The following USP33 variants were observed in gnomAD, a reference collection of about 807,000 sequenced individuals.
USP33 encodes the protein ubiquitin specific peptidase 33.
Under a neutral mutation model 124.2 loss-of-function variants are expected in USP33, and 46 were observed. The ratio of observed to expected loss-of-function variants is 0.37; its 90% confidence interval spans 0.29 to 0.47. USP33 has a LOEUF of 0.47. Ranked by LOEUF, USP33 falls within the 20% of genes least tolerant of loss-of-function variation. USP33 has a pLI of 0.99. For missense variants in USP33, 851 were observed against 1,070.6 expected (o/e 0.79, Z 2.86); for synonymous variants, 350 against 352.3 (o/e 0.99, Z 0.07).
chr1:77,749,722 CT>C (rs1432413221), intron 1 of USP33, among the ~76,000 whole-genome samples: 9 of 152,040 alleles, frequency 5.9e-5, no homozygotes, highest in African/African-American at 2.2e-4. Flanking sequence ...GTACTGAGCG[CT>C]TTGTTTACTG....
intron 1 of USP33, among the ~76,000 whole-genome samples, chr1:77,752,843 C>A (rs1450973290): frequency 6.6e-6 from 1 of 150,562 alleles, no homozygotes; most frequent in East Asian, 2.0e-4. Flanking sequence ...TTTGCGAGGC[C>A]GAGGCCGGTG....
At chr1:77,733,348 G>A (rs919808725) in intron 7 of USP33, among the ~76,000 whole-genome samples, 5 of 151,086 alleles carry the variant, frequency 3.3e-5, no homozygotes, top group Admixed American at 6.6e-5. Context: ...AGCCAAAATC[G>A]TGCCACTGCA....
intron 21 of USP33, among the ~76,000 whole-genome samples, chr1:77,701,961 C>T (rs551734695): frequency 6.6e-6 from 1 of 151,632 alleles, no homozygotes; most frequent in South Asian, 2.1e-4. Context: ...AGCCACCACA[C>T]TCGGCCTACA....
chr1:77,709,847 T>G (rs1675038490), intron 21 of USP33, among the ~76,000 whole-genome samples: 1 of 148,780 alleles, frequency 6.7e-6, no homozygotes, highest in Admixed American at 6.7e-5. Context: ...TCAGTGAGAG[T>G]TAAGAAATAT....
intron 1 of USP33, among the ~76,000 whole-genome samples, chr1:77,748,298 T>G (rs1248049206): frequency 6.6e-6 from 1 of 152,194 alleles, no homozygotes; most frequent in Non-Finnish European, 1.5e-5. Flanking sequence ...CAAGTCCCCA[T>G]CAAGTTTCTA....
chr1:77,720,714 G>C (rs1676474274), intron 15 of USP33: 1 of 680,628 alleles, frequency 1.5e-6, no homozygotes, highest in Admixed American at 6.3e-5. Flanking sequence ...TTGATTACAA[G>C]ACAGAAAAAG....
chr1:77,701,147 T>C (rs1673969984), intron 22 of USP33, among the ~76,000 whole-genome samples: 1 of 152,232 alleles, frequency 6.6e-6, no homozygotes, highest in Admixed American at 6.5e-5. Flanking sequence ...ATCACAGATT[T>C]ACTTTGTTCA....
chr1:77,715,595 A>G, intron 18 of USP33, 147 bp downstream of exon 18: 1 of 846,914 alleles, frequency 1.2e-6, no homozygotes, highest in Non-Finnish European at 1.8e-6. Flanking sequence ...TTCTACATAT[A>G]CAGCCTTTCA....
intron 21 of USP33, among the ~76,000 whole-genome samples, chr1:77,710,213 C>G (rs1291438594): frequency 6.6e-6 from 1 of 152,172 alleles, no homozygotes; most frequent in Non-Finnish European, 1.5e-5. Context: ...ATGCCACTCA[C>G]TATACAGAAA....
intron 22 of USP33, among the ~76,000 whole-genome samples, chr1:77,700,697 C>G (rs898052739): frequency 7.6e-6 from 1 of 132,154 alleles, no homozygotes; most frequent in Admixed American, 7.7e-5. Context: ...ATATCAGAAT[C>G]TTTTTTTTTT....
intron 3 of USP33, 111 bp from the exon 4 acceptor site, chr1:77,741,050 T>G (rs1679063664): frequency 2.7e-6 from 2 of 745,090 alleles, no homozygotes; most frequent in African/African-American, 1.8e-5. Flanking sequence ...TGTTTTACAT[T>G]CAATGAGTAA....
At chr1:77,707,121 T>C (rs977133914) in intron 21 of USP33, among the ~76,000 whole-genome samples, 1 of 152,220 alleles carries the variant, frequency 6.6e-6, no homozygotes, top group African/African-American at 2.4e-5. Flanking sequence ...AAGAGGATTA[T>C]GTTGGGAAAC....
At chr1:77,725,247 A>T (rs2101421674) in intron 11 of USP33, among the ~76,000 whole-genome samples, 1 of 152,332 alleles carries the variant, frequency 6.6e-6, no homozygotes, top group African/African-American at 2.4e-5. Flanking sequence ...CAAAACAATA[A>T]GAAAAGAGGA....
chr1:77,741,770 C>G lies in USP33; in HGVS notation c.-51-22G>C, dbSNP rs770786401. The G allele has an allele frequency of 6.7e-6, 10 of 1,500,106 alleles. No individual in the cohort carries two copies. The East Asian group carries it at 2.4e-4, about 36-fold the overall frequency. The allele number at this position is 1,500,106 out of a possible 1,614,324, so 92.9% of individuals were successfully genotyped here. On this transcript the variant is annotated intron_variant, in intron 1 of 23. Coordinates refer to ENST00000370794, the MANE Select transcript of USP33 (RefSeq NM_201624.3). ...ACACCTATAAGAAAAGTAACACACACAAAAAAATTAATAAATGCTTACAAT... is the reference window on the plus strand; with the variant it reads ...ACACCTATAAGAAAAGTAACACACAGAAAAAAATTAATAAATGCTTACAAT...
At chr1:77,738,941 G>C (rs1678804366) in intron 5 of USP33, among the ~76,000 whole-genome samples, 1 of 152,050 alleles carries the variant, frequency 6.6e-6, no homozygotes, top group Non-Finnish European at 1.5e-5. Flanking sequence ...TGCTATCAAA[G>C]AAGGCCCACC....
chr1:77,723,244 G>T, intron 12 of USP33, 87 bp downstream of exon 12: 2 of 953,030 alleles, frequency 2.1e-6, no homozygotes. Context: ...GCAAAGAGAA[G>T]GAATTAAACT....
intron 10 of USP33, 28 bp downstream of exon 10, chr1:77,728,264 CATT>C: frequency 6.5e-7 from 1 of 1,532,304 alleles, no homozygotes; most frequent in South Asian, 1.3e-5. Flanking sequence ...GAAATACTAT[CATT>C]TTCATGAACA....
At chr1:77,758,337 T>A (rs1279029756) in intron 1 of USP33, among the ~76,000 whole-genome samples, 1 of 152,010 alleles carries the variant, frequency 6.6e-6, no homozygotes, top group Non-Finnish European at 1.5e-5. Flanking sequence ...CCTGCCACCA[T>A]GCCCGGCTAA....
intron 20 of USP33, among the ~76,000 whole-genome samples, chr1:77,712,294 A>G (rs1174506673): frequency 6.6e-6 from 1 of 152,228 alleles, no homozygotes; most frequent in African/African-American, 2.4e-5. Context: ...GTGGTGGAAA[A>G]TGTTTTAAAA....
Sources: gnomAD v4.1 joint callset for allele counts (sites outside exome capture counted in the v4.1 genomes callset) on GRCh38, gnomAD v4.1.1 for gene constraint, MANE v1.5 for transcripts, NCBI Gene and HGNC (gene_info 2026-07-23, HGNC 2026-07-21) for gene names.